Variants in LRRC40 observed in about 807,000 individuals in gnomAD.
The protein encoded by LRRC40 is leucine rich repeat containing 40.
A neutral mutation model predicts 72.8 loss-of-function variants in LRRC40; 76 were observed. The observed-to-expected ratio is 1.04, with a 90% CI of 0.87 to 1.26. The LOEUF (loss-of-function observed/expected upper bound fraction) is 1.26, where lower values mean the gene tolerates loss of function less well. Among genes scored for constraint, LRRC40 ranks in the 50% most tolerant of loss-of-function variants. The pLI, the probability that LRRC40 is intolerant of heterozygous loss-of-function variation, is 0.00. For synonymous variants in LRRC40, 243 were observed against 254.2 expected, an observed-to-expected ratio of 0.96 and a Z score of 0.42; for missense variants, 684 against 698.9, an observed-to-expected ratio of 0.98 and a Z score of 0.24.
At chr1:70,150,893 T>G (rs1667466193) in intron 13 of LRRC40, among the ~76,000 whole-genome samples, 1 of 152,240 alleles carries the variant, frequency 6.6e-6, no homozygotes, top group Non-Finnish European at 1.5e-5. Context: ...ATTTTGTCTT[T>G]TTAGGCCACA....
At chr1:70,182,861 T>C (rs1558123574) in intron 4 of LRRC40, among the ~76,000 whole-genome samples, 1 of 152,160 alleles carries the variant, frequency 6.6e-6, no homozygotes, top group Non-Finnish European at 1.5e-5. Context: ...AACACAATTC[T>C]GAAATGAAAC....
At chr1:70,158,516 A>G (rs1667689509) in intron 10 of LRRC40, among the ~76,000 whole-genome samples, 1 of 152,176 alleles carries the variant, frequency 6.6e-6, no homozygotes, top group South Asian at 2.1e-4. Context: ...CAGTACTGAA[A>G]GGATACTTTA....
At chr1:70,173,319 CT>C in intron 9 of LRRC40, 145 bp downstream of exon 9, 1 of 617,748 alleles carries the variant, frequency 1.6e-6, no homozygotes, top group East Asian at 2.7e-5. Context: ...TACTTACAGA[CT>C]ATATGGATTT....
At chr1:70,162,113 A>T (rs1667777676) in intron 9 of LRRC40, among the ~76,000 whole-genome samples, 1 of 152,092 alleles carries the variant, frequency 6.6e-6, no homozygotes, top group East Asian at 1.9e-4. Flanking sequence ...GATTTTTTTA[A>T]CGTTTGATTT....
intron 6 of LRRC40, 50 bp from the exon 7 acceptor site, chr1:70,176,032 T>C (rs1668097139): frequency 8.7e-7 from 1 of 1,153,894 alleles, no homozygotes; most frequent in African/African-American, 1.6e-5. Context: ...AATTTTATAG[T>C]AGATAATGAA....
rs776146824 is a variant in LRRC40, at chr1:70,159,351, G to T, written c.1199C>A (p.Thr400Lys). The T allele has an allele frequency of 6.7e-7, 1 of 1,498,280 alleles. No homozygotes were observed. The highest frequency in any genetic ancestry group is 1.2e-5 in the South Asian group (1 of 82,854). The allele number at this position is 1,498,280 out of a possible 1,614,324, so 92.8% of individuals were successfully genotyped here. Residue 400 changes from threonine to lysine, a missense_variant, in exon 10 of 15, where the codon ACA (threonine) becomes AAA (lysine). Physicochemically the swap from Thr to Lys is moderately conservative, Grantham distance 78. Transcript: ENST00000370952. ...ATACCTATAGTCTAATATTTTTAAT[G>T]TAATGATGGCATGTATATTGACTCT... ...ESRVNIHAII[T>K]LKILDYSDKQ...
chr1:70,166,179 T>G (rs962076098), intron 9 of LRRC40, among the ~76,000 whole-genome samples: 1 of 152,212 alleles, frequency 6.6e-6, no homozygotes, highest in African/African-American at 2.4e-5. Context: ...ATGTATTTTC[T>G]AAGTATGTAT....
At chr1:70,204,732 T>TACACACACACACACACACACACAC (rs3219841) in intron 1 of LRRC40, among the ~76,000 whole-genome samples, 22 of 145,282 alleles carry the variant, frequency 1.5e-4, no homozygotes, top group African/African-American at 5.3e-4. Context: ...CTCTCTCTCT[T>TACACACACACACACACACACACAC]ACACACACAC....
chr1:70,183,554 CCT>C (rs1303126790), intron 4 of LRRC40, among the ~76,000 whole-genome samples: 2 of 150,490 alleles, frequency 1.3e-5, no homozygotes, highest in Non-Finnish European at 3.0e-5. Context: ...CTTTTTCTTT[CCT>C]CTCTCTCTCT....
chr1:70,203,171 A>T (rs1465212760), intron 1 of LRRC40, among the ~76,000 whole-genome samples: 1 of 152,178 alleles, frequency 6.6e-6, no homozygotes, highest in Non-Finnish European at 1.5e-5. Flanking sequence ...CTGGGATTAC[A>T]GGCATGAGCT....
intron 11 of LRRC40, among the ~76,000 whole-genome samples, chr1:70,155,022 T>C (rs1558110358): frequency 6.6e-6 from 1 of 152,158 alleles, no homozygotes; most frequent in African/African-American, 2.4e-5. Context: ...ATTGCTAGAT[T>C]ATCTGTCAGC....
intron 1 of LRRC40, among the ~76,000 whole-genome samples, chr1:70,190,489 T>A (rs771588395): frequency 1.3e-5 from 2 of 150,934 alleles, no homozygotes; most frequent in Non-Finnish European, 2.9e-5. Context: ...GAGACCAGCC[T>A]AGGCATCAAA....
Position 70,151,193 on chromosome 1 carries a change from T to G in LRRC40, c.1452A>C (p.Leu484Phe). 1.3e-6 allele frequency: 2 copies of G among 1,569,122 alleles called. No homozygotes were observed. Among genetic ancestry groups the G allele is most frequent in the Non-Finnish European group, 1.8e-6 (2 of 1,141,892 alleles). ...LTFLDLRNNF[L>F]NSLPEEMESL... Reference sequence around the variant, plus strand: ...ATTCCATTTCTTCTGGCAAAGAATTTAAAAAATTGTTCCTAAATTGGAAAT... The same window carrying G: ...ATTCCATTTCTTCTGGCAAAGAATTGAAAAAATTGTTCCTAAATTGGAAAT... The change falls in exon 13 of 15, where the codon TTA (leucine) becomes TTC (phenylalanine). Residue 484 changes from leucine to phenylalanine, a missense_variant. Transcript: ENST00000370952.
At chr1:70,161,092 T>A (rs187280076) in intron 9 of LRRC40, among the ~76,000 whole-genome samples, 40 of 151,406 alleles carry the variant, frequency 2.6e-4, no homozygotes, top group South Asian at 4.2e-4. Flanking sequence ...TCTCATTATT[T>A]TTTTTTTTTT....
intron 1 of LRRC40, among the ~76,000 whole-genome samples, chr1:70,190,725 G>GCTAT (rs1405631172): frequency 9.3e-6 from 1 of 107,446 alleles, no homozygotes; most frequent in Non-Finnish European, 1.9e-5. Flanking sequence ...AAAAAACTGA[G>GCTAT]CTATCTACAT....
chr1:70,149,999 C>A (rs1290662053), intron 13 of LRRC40, among the ~76,000 whole-genome samples: 2 of 152,098 alleles, frequency 1.3e-5, no homozygotes, highest in Non-Finnish European at 2.9e-5. Flanking sequence ...TGGATCACTG[C>A]AACCTCTGCC....
intron 9 of LRRC40, among the ~76,000 whole-genome samples, chr1:70,171,031 G>A (rs1303376145): frequency 3.3e-5 from 5 of 152,060 alleles, no homozygotes; most frequent in African/African-American, 1.2e-4. Flanking sequence ...GAATAAAACT[G>A]ATGGTAGAAA....
chr1:70,184,500 C>T (rs1668317549), intron 4 of LRRC40, among the ~76,000 whole-genome samples: 1 of 151,920 alleles, frequency 6.6e-6, no homozygotes, highest in Non-Finnish European at 1.5e-5. Flanking sequence ...AGACAACTTT[C>T]CTCTATTCTG....
chr1:70,147,934 A>C (rs1667351408), intron 14 of LRRC40: 1 of 152,136 alleles, frequency 6.6e-6, no homozygotes, highest in Non-Finnish European at 1.5e-5. Context: ...AAATCGTACA[A>C]ATAAGTCCAA....
Sources: gnomAD v4.1 joint callset for allele counts (sites outside exome capture counted in the v4.1 genomes callset) on GRCh38, gnomAD v4.1.1 for gene constraint, MANE v1.5 for transcripts, NCBI Gene and HGNC (gene_info 2026-07-23, HGNC 2026-07-21) for gene names.